PTPRR: variants seen among roughly 807,000 people sequenced by gnomAD.
PTPRR encodes the protein receptor-type tyrosine-protein phosphatase R.
In PTPRR, 38 loss-of-function variants were observed where a neutral mutation model predicts 77.2. The ratio of observed to expected loss-of-function variants is 0.49; its 90% CI spans 0.38 to 0.65. The LOEUF is 0.65. Among genes scored for constraint, PTPRR ranks in the 30% least tolerant of loss-of-function variants. The pLI, the probability that PTPRR is intolerant of heterozygous loss-of-function variation, is 0.00. For missense variants in PTPRR, 744 were observed against 799.2 expected, an observed-to-expected ratio of 0.93 and a Z score of 0.83; for synonymous variants, 299 against 283.1, an observed-to-expected ratio of 1.06 and a Z score of -0.57.
At chr12:70,691,116 A>G (rs890823920) in intron 8 of PTPRR, among the ~76,000 whole-genome samples, 1 of 152,112 alleles carries the variant, frequency 6.6e-6, no homozygotes, top group African/African-American at 2.4e-5. Context: ...TTTATTATAC[A>G]CACACTTCCT....
chr12:70,916,874 G>A (rs1893782833), intron 1 of PTPRR, among the ~76,000 whole-genome samples: 1 of 152,170 alleles, frequency 6.6e-6, no homozygotes, highest in African/African-American at 2.4e-5. Flanking sequence ...AAGGCTGATA[G>A]CAAGAACAAC....
intron 8 of PTPRR, among the ~76,000 whole-genome samples, chr12:70,689,803 T>C (rs1385269516): frequency 6.6e-6 from 1 of 152,174 alleles, no homozygotes; most frequent in East Asian, 1.9e-4. Flanking sequence ...CACACAATAG[T>C]ACGCATATCC....
intron 6 of PTPRR, among the ~76,000 whole-genome samples, chr12:70,721,533 C>A (rs922610234): frequency 6.6e-6 from 1 of 152,142 alleles, no homozygotes; most frequent in Non-Finnish European, 1.5e-5. Context: ...TATATTTCAA[C>A]ACATTTTAGG....
chr12:70,674,270 T>C (rs1273957343), intron 10 of PTPRR, among the ~76,000 whole-genome samples: 2 of 152,120 alleles, frequency 1.3e-5, no homozygotes, highest in East Asian at 3.8e-4. Context: ...ATGTTTAACA[T>C]TTATTCTTCA....
At chr12:70,840,158 C>G (rs1892371858) in intron 2 of PTPRR, among the ~76,000 whole-genome samples, 1 of 152,100 alleles carries the variant, frequency 6.6e-6, no homozygotes, top group Non-Finnish European at 1.5e-5. Context: ...CAAAGTATCA[C>G]TGGGGCCATA....
At position 70,656,740 on chromosome 12, in the gene PTPRR, T is replaced by A; in HGVS notation, c.1844A>T (p.Asp615Val). Reference protein sequence around the residue: ...CQQLKEEGVVDALSIVCQLRM... With the variant: ...CQQLKEEGVVVALSIVCQLRM... Reference sequence around the variant, plus strand: ...AAGCTGGCAGACAATGCTTAGTGCATCCACAACTCCTTCTTCTTTCAGCTG... The same window carrying A: ...AAGCTGGCAGACAATGCTTAGTGCAACCACAACTCCTTCTTCTTTCAGCTG... Residue 615 changes from aspartate to valine, a missense_variant, in exon 13 of 14, where the codon GAT (aspartate) becomes GTT (valine). Coordinates refer to ENST00000283228, the MANE Select transcript of PTPRR (RefSeq NM_002849.4). The A allele has an allele frequency of 3.1e-6, 5 of 1,613,958 alleles. No individual in the cohort carries two copies. Among genetic ancestry groups the A allele is most frequent in the Non-Finnish European group, 4.2e-6 (5 of 1,179,946 alleles).
At chr12:70,868,164 A>T (rs777907324) in intron 2 of PTPRR, among the ~76,000 whole-genome samples, 3 of 152,192 alleles carry the variant, frequency 2.0e-5, no homozygotes, top group Non-Finnish European at 2.9e-5. Flanking sequence ...AAGCAATGGC[A>T]ATAAAAGACA....
Position 70,892,958 on chromosome 12 carries a change from A to G in PTPRR, c.78T>C (p.Asn26=). Residue 26 remains asparagine, a synonymous_variant, in exon 2 of 14, where the codon AAT becomes AAC. Transcript: ENST00000283228. ...TCTGATTAATTGCCAAAAAATGATC[A>G]TTGTTTCCTGAAAAGCACCCTGAAA... ...LHAAGCFSGN[N]DHFLAINQKK... is the part of the protein sequence containing the mutation. 6.2e-7 allele frequency: 1 copy of G among 1,612,692 alleles called. No individual in the cohort carries two copies. Among genetic ancestry groups the G allele is most frequent in the Non-Finnish European group, 8.5e-7 (1 of 1,179,108 alleles).
Position 70,746,076 on chromosome 12 carries a change from CTG to C in PTPRR, c.747_748del (p.Tyr249Ter). 1 of 1,611,324 alleles carries C rather than the reference CTG, an allele frequency of 6.2e-7. No homozygotes were observed. Among genetic ancestry groups the C allele is most frequent in the Non-Finnish European group, 8.5e-7 (1 of 1,178,156 alleles). ...GGAAAGCTGAAATCTTTCTTTTAAT[CTG>C]TAAAGAATCTATAGAAGGAGATATA... is the stretch of plus-strand genomic sequence containing the variant. On this transcript the variant is annotated stop_gained and frameshift_variant, in exon 6 of 14. Coordinates refer to ENST00000283228, the MANE Select transcript of PTPRR (RefSeq NM_002849.4). LOFTEE classifies it high-confidence loss of function.
chr12:70,866,325 T>C (rs1374822790), intron 2 of PTPRR, among the ~76,000 whole-genome samples: 32 of 151,888 alleles, frequency 2.1e-4, no homozygotes, highest in African/African-American at 4.6e-4. Flanking sequence ...ATCAAATAGA[T>C]GCAATAAAAA....
At chr12:70,856,521 T>C (rs1231295768) in intron 2 of PTPRR, among the ~76,000 whole-genome samples, 2 of 152,136 alleles carry the variant, frequency 1.3e-5, no homozygotes, top group African/African-American at 2.4e-5. Flanking sequence ...TTGAAGGCTC[T>C]CTGGGACACA....
intron 2 of PTPRR, among the ~76,000 whole-genome samples, chr12:70,785,858 T>A (rs1543098): frequency 0.95 from 144,396 of 152,280 alleles, 68,864 homozygotes; most frequent in East Asian, 1. Context: ...TTAACAGAGT[T>A]TTCAATTCTC....
At position 70,727,063 on chromosome 12, in the gene PTPRR, C is replaced by T. The variant is rs967529498; in HGVS notation, c.1007+18755G>A. The stretch of plus-strand genomic sequence containing the variant: ...CCTATCTAGTATTAAACATAAGTCA[C>T]ATATTCATTATTGTGTATTTGATCA... On this transcript the variant is annotated intron_variant, in intron 6 of 13. Transcript: ENST00000283228. Among the ~76,000 whole-genome samples, 8 of 152,102 alleles carry T rather than the reference C, an allele frequency of 5.3e-5. 1 individual carries two copies. The South Asian group carries it at 1.5e-3, about 28-fold the overall frequency.
rs1891712844 is a variant in PTPRR, at chr12:70,806,555, TATGA to T, written c.358-41781_358-41778del. 2.6e-5 allele frequency among the ~76,000 whole-genome samples: 4 copies of T among 152,298 alleles called. No homozygotes were observed. In the South Asian group the frequency reaches 6.2e-4, roughly 24 times the overall value. On this transcript the variant is annotated intron_variant, in intron 2 of 13. Coordinates refer to ENST00000283228, the MANE Select transcript of PTPRR (RefSeq NM_002849.4). ...ATTTGTCAAAGCAATAAAGGTCCCC[TATGA>T]ATGAACCTCAAAATCTGTTTGTAAA...
chr12:70,894,110 G>A (rs1893385109), intron 1 of PTPRR, among the ~76,000 whole-genome samples: 1 of 151,820 alleles, frequency 6.6e-6, no homozygotes, highest in Non-Finnish European at 1.5e-5. Flanking sequence ...TGGTACCCCA[G>A]ATTTTCACTG....
At chr12:70,737,486 A>ATATATCTATCTATC (rs1555171433) in intron 6 of PTPRR, among the ~76,000 whole-genome samples, 134 of 144,242 alleles carry the variant, frequency 9.3e-4, no homozygotes, top group African/African-American at 3.4e-3. Flanking sequence ...TATTTAATGA[A>ATATATCTATCTATC]TATCTATCTA....
intron 6 of PTPRR, among the ~76,000 whole-genome samples, chr12:70,730,908 G>C (rs1212354939): frequency 6.7e-6 from 1 of 149,204 alleles, no homozygotes; most frequent in African/African-American, 2.5e-5. Context: ...GAGAGAGAGA[G>C]ACAGAGAATG....
intron 8 of PTPRR, among the ~76,000 whole-genome samples, chr12:70,695,642 T>A (rs1888205060): frequency 6.6e-6 from 1 of 152,174 alleles, no homozygotes; most frequent in Non-Finnish European, 1.5e-5. Context: ...AATTTCCAAA[T>A]CCTTCTAAAA....
At chr12:70,782,266 A>G (rs1162066045) in intron 2 of PTPRR, among the ~76,000 whole-genome samples, 1 of 152,112 alleles carries the variant, frequency 6.6e-6, no homozygotes, top group Middle Eastern at 3.2e-3. Flanking sequence ...AATACCAATC[A>G]AAAACTGCCA....
Sources: gnomAD v4.1 joint callset for allele counts (sites outside exome capture counted in the v4.1 genomes callset) on GRCh38, gnomAD v4.1.1 for gene constraint, MANE v1.5 for transcripts, NCBI Gene and HGNC (gene_info 2026-07-23, HGNC 2026-07-21) for gene names.